The following CPHXL2 variants were observed in gnomAD, a reference collection of about 807,000 sequenced individuals.
CPHXL2 encodes the protein cytoplasmic polyadenylated homeobox like 2.
At chr16:75,672,001 A>G in the CPHXL2 span, among the ~76,000 whole-genome samples, 8 of 151,904 alleles carry the variant, frequency 5.3e-5, no homozygotes, top group East Asian at 5.8e-4. Flanking sequence ...AACGGGTGCG[A>G]TGGCTCACAC....
the CPHXL2 span, among the ~76,000 whole-genome samples, chr16:75,667,196 CAGTT>C: frequency 6.6e-6 from 1 of 151,166 alleles, no homozygotes; most frequent in Non-Finnish European, 1.5e-5. Flanking sequence ...CCTGTAGTCA[CAGTT>C]AGTCAGGAGA....
chr16:75,662,300 A>C, the CPHXL2 span, among the ~76,000 whole-genome samples: 1 of 150,114 alleles, frequency 6.7e-6, no homozygotes. Flanking sequence ...AAGCTCCCCA[A>C]ACCCACTTTT....
chr16:75,660,390 G>A, the CPHXL2 span: 1 of 398,708 alleles, frequency 2.5e-6, no homozygotes, highest in Non-Finnish European at 4.4e-6. Context: ...AGGCAGCAGG[G>A]GTGAGTTGGC....
At chr16:75,676,138 C>A in the CPHXL2 span, among the ~76,000 whole-genome samples, 1 of 152,056 alleles carries the variant, frequency 6.6e-6, no homozygotes, top group African/African-American at 2.4e-5. Context: ...GTGACCTTCT[C>A]GCTCCATCCA....
the CPHXL2 span, among the ~76,000 whole-genome samples, chr16:75,674,121 C>T: frequency 6.7e-6 from 1 of 149,344 alleles, no homozygotes; most frequent in Non-Finnish European, 1.5e-5. Context: ...CACCTGTAAT[C>T]CCAGCACTTT....
At chr16:75,676,471 T>G in the CPHXL2 span, among the ~76,000 whole-genome samples, 1 of 152,232 alleles carries the variant, frequency 6.6e-6, no homozygotes, top group East Asian at 1.9e-4. Flanking sequence ...ACTACAGGCA[T>G]GCACCACACC....
chr16:75,665,789 G>A, the CPHXL2 span, among the ~76,000 whole-genome samples: 7 of 152,076 alleles, frequency 4.6e-5, no homozygotes, highest in Admixed American at 1.3e-4. Context: ...CACTGGAACC[G>A]GGGAGGAAGA....
the CPHXL2 span, among the ~76,000 whole-genome samples, chr16:75,672,002 T>C: frequency 1.3e-5 from 2 of 151,986 alleles, no homozygotes; most frequent in Non-Finnish European, 2.9e-5. Flanking sequence ...ACGGGTGCGA[T>C]GGCTCACACC....
At chr16:75,668,430 T>G in the CPHXL2 span, among the ~76,000 whole-genome samples, 1 of 152,122 alleles carries the variant, frequency 6.6e-6, no homozygotes, top group Non-Finnish European at 1.5e-5. Flanking sequence ...GGTTTCACCA[T>G]GTTGGTCAGG....
the CPHXL2 span, among the ~76,000 whole-genome samples, chr16:75,668,187 T>C: frequency 6.6e-6 from 1 of 151,828 alleles, no homozygotes; most frequent in Non-Finnish European, 1.5e-5. Flanking sequence ...AAATGCTATA[T>C]ACTGCTTAAT....
chr16:75,671,497 C>T, the CPHXL2 span, among the ~76,000 whole-genome samples: 1 of 152,082 alleles, frequency 6.6e-6, no homozygotes, highest in Non-Finnish European at 1.5e-5. Context: ...GTTGATGACA[C>T]CATCTGTCTT....
chr16:75,668,116 T>C, the CPHXL2 span, among the ~76,000 whole-genome samples: 1 of 152,134 alleles, frequency 6.6e-6, no homozygotes, highest in Non-Finnish European at 1.5e-5. Context: ...GTTTTCACAA[T>C]ACATACCCAC....
chr16:75,664,065 C>A, the CPHXL2 span, among the ~76,000 whole-genome samples: 1 of 152,186 alleles, frequency 6.6e-6, no homozygotes, highest in East Asian at 1.9e-4. Flanking sequence ...TTTCAACTAA[C>A]TACCAATCAG....
At chr16:75,671,316 C>T in the CPHXL2 span, among the ~76,000 whole-genome samples, 6 of 145,504 alleles carry the variant, frequency 4.1e-5, no homozygotes, top group East Asian at 4.2e-4. Flanking sequence ...GAGGAGAGAT[C>T]GCTACACTCT....
the CPHXL2 span, among the ~76,000 whole-genome samples, chr16:75,671,937 A>G: frequency 1.3e-5 from 2 of 152,192 alleles, no homozygotes; most frequent in East Asian, 1.9e-4. Context: ...AGATGTGGCT[A>G]GAATGGGGCG....
chr16:75,671,644 T>C, the CPHXL2 span, among the ~76,000 whole-genome samples: 22 of 152,282 alleles, frequency 1.4e-4, no homozygotes, highest in African/African-American at 5.3e-4. Context: ...CATAGGCTGA[T>C]TGAAAACAAA....
At chr16:75,663,444 C>T in the CPHXL2 span, among the ~76,000 whole-genome samples, 3 of 152,166 alleles carry the variant, frequency 2.0e-5, no homozygotes, top group East Asian at 3.9e-4. Context: ...ACCATCTTAA[C>T]GGACCCCTCC....
the CPHXL2 span, among the ~76,000 whole-genome samples, chr16:75,672,088 A>G: frequency 6.6e-6 from 1 of 151,198 alleles, no homozygotes; most frequent in Admixed American, 6.7e-5. Flanking sequence ...CTTGGCCAAC[A>G]TGGTGAAACC....
the CPHXL2 span, among the ~76,000 whole-genome samples, chr16:75,670,388 TTCTC>T: frequency 2.0e-5 from 3 of 152,190 alleles, no homozygotes; most frequent in Non-Finnish European, 2.9e-5. Flanking sequence ...TGCCACTAAG[TTCTC>T]TCTATCTGAG....
Sources: gnomAD v4.1 joint callset for allele counts (sites outside exome capture counted in the v4.1 genomes callset) on GRCh38, gnomAD v4.1.1 for gene constraint, MANE v1.5 for transcripts, NCBI Gene and HGNC (gene_info 2026-07-23, HGNC 2026-07-21) for gene names.